YLPM1: variants seen among roughly 807,000 people sequenced by gnomAD.
YLPM1 encodes the protein YLP motif-containing protein 1.
In YLPM1, 99 loss-of-function variants were observed where a neutral mutation model predicts 230.0. The observed-to-expected ratio is 0.43, with a 90% CI of 0.37 to 0.51. The LOEUF (loss-of-function observed/expected upper bound fraction) is 0.51, where lower values mean the gene tolerates loss of function less well. YLPM1 is among the 20% of genes least tolerant of loss of function. The probability of loss-of-function intolerance (pLI) is 0.00; values close to 1 mark genes in which losing one functional copy is unlikely to be tolerated. For missense variants in YLPM1, 2,592 were observed against 2,707.7 expected (o/e 0.96, Z 0.95); for synonymous variants, 984 against 942.5 (o/e 1.04, Z -0.81).
intron 2 of YLPM1, among the ~76,000 whole-genome samples, chr14:74,779,914 C>T (rs1353274346): frequency 6.6e-6 from 1 of 152,018 alleles, no homozygotes; most frequent in Admixed American, 6.6e-5. Flanking sequence ...AGTGATTCTC[C>T]GGCCTCAGCC....
intron 5 of YLPM1, 30 bp from the exon 6 acceptor site, chr14:74,802,526 A>G (rs1160881276): frequency 1.3e-6 from 2 of 1,599,292 alleles, no homozygotes; most frequent in Admixed American, 3.5e-5. Context: ...AGCATGCTTT[A>G]TGTACTATGT....
intron 1 of YLPM1, 103 bp downstream of exon 1, chr14:74,764,465 A>C: frequency 7.4e-7 from 1 of 1,351,212 alleles, no homozygotes; most frequent in African/African-American, 1.5e-5. Flanking sequence ...ACACACAATG[A>C]CTAGCTAACA....
chr14:74,777,314 C>G (rs1312131857), intron 1 of YLPM1, among the ~76,000 whole-genome samples: 3 of 151,900 alleles, frequency 2.0e-5, no homozygotes, highest in Admixed American at 6.6e-5. Flanking sequence ...ACCTGTAATC[C>G]CAGCACTTTG....
At chr14:74,830,857 A>G (rs532332306) in intron 19 of YLPM1, among the ~76,000 whole-genome samples, 1 of 152,332 alleles carries the variant, frequency 6.6e-6, no homozygotes, top group Admixed American at 6.5e-5. Context: ...GACATTCACG[A>G]GGATCCTCCT....
chr14:74,804,082 G>A (rs548694068), intron 6 of YLPM1, among the ~76,000 whole-genome samples: 37 of 152,232 alleles, frequency 2.4e-4, no homozygotes, highest in African/African-American at 7.2e-4. Context: ...ACTTGAACCC[G>A]GGAGGTAGAG....
chr14:74,776,771 A>G lies in YLPM1; in HGVS notation c.874-1676A>G, dbSNP rs79857851. Among the ~76,000 whole-genome samples the G allele has an allele frequency of 4.1e-3, 626 of 152,290 alleles. 2 individuals carry two copies. Among genetic ancestry groups the G allele is most frequent in the Middle Eastern group, 0.01 (3 of 294 alleles). ...GTGAGTATGGATTTTGGGTTTAGAA[A>G]TAAATTTTAGGTCGGGTGTGGTGGC... On this transcript the variant is annotated intron_variant, in intron 1 of 20. Transcript: ENST00000325680.
chr14:74,818,654 G>A (rs2091497756), intron 16 of YLPM1, among the ~76,000 whole-genome samples: 1 of 152,044 alleles, frequency 6.6e-6, no homozygotes, highest in Admixed American at 6.6e-5. Flanking sequence ...TCAAATGCAG[G>A]AAATTTAGTA....
chr14:74,767,636 G>A (rs2090926228), intron 1 of YLPM1, among the ~76,000 whole-genome samples: 1 of 152,162 alleles, frequency 6.6e-6, no homozygotes, highest in Non-Finnish European at 1.5e-5. Context: ...GTATCCCCTG[G>A]AGACAAAATT....
At chr14:74,829,136 C>T in intron 18 of YLPM1, 77 bp from the exon 19 acceptor site, 2 of 1,568,638 alleles carry the variant, frequency 1.3e-6, no homozygotes, top group Admixed American at 1.8e-5. Context: ...GCGTTCCAGC[C>T]TTCTTTTCCC....
Position 74,797,821 on chromosome 14 carries a change from C to A in YLPM1, c.2524C>A (p.Pro842Thr). The A allele has an allele frequency of 1.2e-6, 2 of 1,613,954 alleles. No individual in the cohort carries two copies. Among genetic ancestry groups the A allele is most frequent in the Non-Finnish European group, 1.7e-6 (2 of 1,179,884 alleles). The change falls in exon 5 of 21, where the codon CCA (proline) becomes ACA (threonine). Residue 842 changes from proline to threonine, a missense_variant. This residue lies in a region of YLPM1 where 1,862 missense variants were observed against 1,819.8 expected (regional missense o/e 1.02). Transcript: ENST00000325680. ...QSGPQWKGPKPAFGQQHQQQP... is the reference protein window; with the variant it reads ...QSGPQWKGPKTAFGQQHQQQP... ...TGGACCACAGTGGAAAGGCCCCAAA[C>A]CAGCTTTTGGACAGCAGCATCAGCA...
chr14:74,797,085 C>G (rs1251112631), intron 4 of YLPM1, among the ~76,000 whole-genome samples: 1 of 148,670 alleles, frequency 6.7e-6, no homozygotes, highest in Non-Finnish European at 1.5e-5. Flanking sequence ...GATTCTCCTG[C>G]CTCAGCCTCC....
At position 74,764,394 on chromosome 14, in the gene YLPM1, C is replaced by T. The variant is rs28394694; in HGVS notation, c.873+32C>T. 1.9e-3 allele frequency: 2,948 copies of T among 1,555,918 alleles called. 46 individuals are homozygous for T. The African/African-American group carries it at 0.035, about 19-fold the overall frequency. ...AAGCATCTGCCTGAACCTCATCTTT[C>T]ACCTAGAGGGCCCTGAATGAGCAGG... On this transcript the variant is annotated intron_variant, in intron 1 of 20. Coordinates refer to ENST00000325680, the MANE Select transcript of YLPM1 (RefSeq NM_019589.3).
chr14:74,795,736 A>G (rs2091254112), intron 4 of YLPM1, among the ~76,000 whole-genome samples: 2 of 152,216 alleles, frequency 1.3e-5, no homozygotes, highest in Admixed American at 6.5e-5. Flanking sequence ...TAAAAATCAG[A>G]CTATATTTAG....
chr14:74,821,290 C>CT (rs1217302284), intron 17 of YLPM1, 153 bp downstream of exon 17: 1 of 1,163,416 alleles, frequency 8.6e-7, no homozygotes, highest in African/African-American at 1.6e-5. Context: ...TTTGGATACT[C>CT]TTTATTTTTC....
rs2090988710 is a variant in YLPM1, at chr14:74,772,561, G to A, written c.874-5886G>A. Among the ~76,000 whole-genome samples, 3 of 152,106 alleles carry A rather than the reference G, an allele frequency of 2.0e-5. No individual in the cohort carries two copies. The South Asian group carries it at 6.2e-4, about 32-fold the overall frequency. ...TTTAGTAGAGACAGGGTTTCACCAT[G>A]TTGGTCAGGCTGGTCTCGAACTCCT... On this transcript the variant is annotated intron_variant, in intron 1 of 20. Coordinates refer to ENST00000325680, the MANE Select transcript of YLPM1 (RefSeq NM_019589.3).
rs372227899 is a variant in YLPM1, at chr14:74,802,688, T to A, written c.4521+12T>A. The A allele has an allele frequency of 1.3e-6, 2 of 1,582,374 alleles. No homozygotes were observed. The highest frequency in any genetic ancestry group is 1.7e-6 in the Non-Finnish European group (2 of 1,166,772). On this transcript the variant is annotated intron_variant, in intron 6 of 20. Transcript: ENST00000325680. Reference sequence around the variant, plus strand: ...CTGGAATGTATCCGGTATGGGAGAATGTGTGCTCAGAAAATGAAATGGTTT... The same window carrying A: ...CTGGAATGTATCCGGTATGGGAGAAAGTGTGCTCAGAAAATGAAATGGTTT...
At chr14:74,818,472 C>T (rs992451269) in intron 16 of YLPM1, among the ~76,000 whole-genome samples, 158 bp downstream of exon 16, 1 of 152,094 alleles carries the variant, frequency 6.6e-6, no homozygotes, top group Non-Finnish European at 1.5e-5. Flanking sequence ...AGTATTTTGC[C>T]ACATTTTTCT....
intron 1 of YLPM1, among the ~76,000 whole-genome samples, chr14:74,769,076 A>AT (rs769559572): frequency 3.3e-5 from 5 of 150,204 alleles, no homozygotes; most frequent in Non-Finnish European, 7.4e-5. Flanking sequence ...ATTTTATTTT[A>AT]TTTATTTTTA....
At chr14:74,793,327 A>AT (rs796126477) in intron 4 of YLPM1, among the ~76,000 whole-genome samples, 82 of 151,788 alleles carry the variant, frequency 5.4e-4, no homozygotes, top group African/African-American at 1.9e-3. Context: ...TGTTGGATTG[A>AT]TTATCTTTGT....
Sources: allele counts gnomAD v4.1 joint callset (sites outside exome capture counted in the v4.1 genomes callset), GRCh38; gene constraint gnomAD v4.1.1; regional missense constraint gnomAD v4.1.1; transcripts MANE v1.5; gene names NCBI Gene and HGNC (gene_info 2026-07-23, HGNC 2026-07-21).